SP1: variants seen among roughly 807,000 people sequenced by gnomAD.
The protein encoded by SP1 is transcription factor Sp1.
In SP1, 6 loss-of-function variants were observed where a neutral mutation model predicts 66.3. The observed-to-expected ratio is 0.09, with a 90% CI of 0.05 to 0.18. The LOEUF is 0.18. SP1 is among the 10% of genes least tolerant of loss of function. The pLI, the probability that SP1 is intolerant of heterozygous loss-of-function variation, is 1.00. For missense variants in SP1, 848 were observed against 964.5 expected, an observed-to-expected ratio of 0.88 and a Z score of 1.60; for synonymous variants, 417 against 360.8, an observed-to-expected ratio of 1.16 and a Z score of -1.77.
chr12:53,396,325 T>A (rs1234982206), intron 3 of SP1, among the ~76,000 whole-genome samples: 1 of 148,864 alleles, frequency 6.7e-6, no homozygotes, highest in African/African-American at 2.5e-5. Context: ...ATCCCAGCAC[T>A]TTGGGAGGCC....
chr12:53,383,092 C>A lies in SP1; in HGVS notation c.1145C>A (p.Ala382Glu), dbSNP rs376828448. 6.2e-7 allele frequency: 1 copy of A among 1,614,200 alleles called. No individual in the cohort carries two copies. The highest frequency in any genetic ancestry group is 1.6e-4 in the Middle Eastern group (1 of 6,062). The change falls in exon 3 of 6, where the codon GCA becomes GAA. Residue 382 changes from alanine (A) to glutamate (E), a missense_variant. Ala to Glu is a moderately radical substitution (Grantham distance 107). Coordinates refer to ENST00000327443, the MANE Select transcript of SP1 (RefSeq NM_138473.3). ...QNQTSGGSLQ[A>E]GQQKEGEQNQ... ...CAGACATCTGGAGGCTCATTGCAAG[C>A]AGGCCAGCAAAAAGAAGGAGAGCAA...
intron 3 of SP1, among the ~76,000 whole-genome samples, chr12:53,406,174 A>C (rs1938734563): frequency 6.7e-6 from 1 of 148,710 alleles, no homozygotes; most frequent in Non-Finnish European, 1.5e-5. Context: ...GGGTTCAAGC[A>C]ATTCTCCTGG....
At chr12:53,408,874 C>A (rs1476470694) in intron 4 of SP1, among the ~76,000 whole-genome samples, 1 of 150,698 alleles carries the variant, frequency 6.6e-6, no homozygotes, top group Non-Finnish European at 1.5e-5. Flanking sequence ...CTATTACACT[C>A]CAGCCTGGGC....
chr12:53,401,309 G>A (rs1449013857), intron 3 of SP1, among the ~76,000 whole-genome samples: 2 of 151,622 alleles, frequency 1.3e-5, no homozygotes, highest in Non-Finnish European at 2.9e-5. Context: ...AAATTAGCCG[G>A]GCATGGTGGT....
chr12:53,380,594 G>C (rs1371315046), intron 1 of SP1: 70 of 1,009,726 alleles, frequency 6.9e-5, no homozygotes, highest in Non-Finnish European at 8.3e-5. Flanking sequence ...CCGCCCGCCT[G>C]AGGCTCCTCC....
intron 3 of SP1, among the ~76,000 whole-genome samples, chr12:53,388,705 C>T (rs976681264): frequency 7.2e-5 from 11 of 152,086 alleles, no homozygotes; most frequent in African/African-American, 1.7e-4. Context: ...TTTGGCCAGG[C>T]GTAGTGGCTC....
At chr12:53,395,978 G>A (rs1322930191) in intron 3 of SP1, among the ~76,000 whole-genome samples, 1 of 152,050 alleles carries the variant, frequency 6.6e-6, no homozygotes, top group African/African-American at 2.4e-5. Flanking sequence ...AAATTAGCTG[G>A]GTGTGCTGGC....
chr12:53,380,334 G>A (rs773867617), intron 1 of SP1, 36 bp downstream of exon 1: 10 of 1,512,284 alleles, frequency 6.6e-6, no homozygotes, highest in South Asian at 2.5e-5. Context: ...AGGGGTGGGA[G>A]GCGAGTGAGG....
At chr12:53,387,010 G>A (rs576527946) in intron 3 of SP1, among the ~76,000 whole-genome samples, 1 of 149,884 alleles carries the variant, frequency 6.7e-6, no homozygotes, top group East Asian at 2.0e-4. Flanking sequence ...GAGTGCAGTG[G>A]TGCGATCTTG....
chr12:53,386,914 A>G (rs1257531216), intron 3 of SP1, among the ~76,000 whole-genome samples: 20 of 151,790 alleles, frequency 1.3e-4, no homozygotes, highest in Admixed American at 1.3e-3. Flanking sequence ...AATATCACCA[A>G]ATAATATCAC....
chr12:53,409,836 C>T (rs1041429089), intron 5 of SP1, among the ~76,000 whole-genome samples: 3 of 151,790 alleles, frequency 2.0e-5, no homozygotes, highest in Admixed American at 6.6e-5. Context: ...GGTGAAACCC[C>T]GTCTCTACTA....
chr12:53,381,284 C>G (rs1265248888), intron 1 of SP1: 3 of 160,008 alleles, frequency 1.9e-5, no homozygotes, highest in African/African-American at 7.2e-5. Context: ...TTTTAGCAAG[C>G]TTTCCATGCA....
chr12:53,402,837 A>G (rs1323947626), intron 3 of SP1, among the ~76,000 whole-genome samples: 3 of 151,948 alleles, frequency 2.0e-5, no homozygotes, highest in African/African-American at 7.2e-5. Context: ...GTGGTGGTGC[A>G]TGCCTGTAGC....
At chr12:53,396,366 G>A (rs1047387624) in intron 3 of SP1, among the ~76,000 whole-genome samples, 94 of 151,682 alleles carry the variant, frequency 6.2e-4, no homozygotes, top group African/African-American at 2.3e-3. Context: ...TCAAGAGATG[G>A]AGAGCATCCT....
At position 53,406,665 on chromosome 12, in the gene SP1, G is replaced by A; in HGVS notation, c.1756G>A (p.Glu586Lys). Reference sequence around the variant, plus strand: ...TGACACAGCAGGTGGAGAGGAAGGAGAAAACAGCCCAGATGCCCAACCCCA... The same window carrying A: ...TGACACAGCAGGTGGAGAGGAAGGAAAAAACAGCCCAGATGCCCAACCCCA... The part of the protein sequence containing the change: ...HDDTAGGEEG[E>K]NSPDAQPQAG... The change falls in exon 4 of 6, where the codon GAA becomes AAA. Residue 586 changes from glutamate (E) to lysine (K), a missense_variant. Coordinates refer to ENST00000327443, the MANE Select transcript of SP1 (RefSeq NM_138473.3). 1.2e-6 allele frequency: 2 copies of A among 1,614,092 alleles called. No homozygotes were observed. Among genetic ancestry groups the A allele is most frequent in the Non-Finnish European group, 1.7e-6 (2 of 1,180,014 alleles).
In SP1 at chr12:53,381,783, C is replaced by A; in HGVS notation, c.132C>A (p.Gly44=). ...CACAGGCTCGAAGTAGCAGCACAGG[C>A]AGTAGCAGCAGCACTGGAGGAGGAG... ...AFSQARSSST[G]SSSSTGGGGQ... Residue 44 remains glycine, a synonymous_variant, in exon 2 of 6, where the codon GGC becomes GGA. Coordinates refer to ENST00000327443, the MANE Select transcript of SP1 (RefSeq NM_138473.3). 2 of 1,613,980 alleles carry A rather than the reference C, an allele frequency of 1.2e-6. No individual in the cohort carries two copies. The highest frequency in any genetic ancestry group is 1.7e-6 in the Non-Finnish European group (2 of 1,179,950).
At chr12:53,392,608 C>G (rs1350764119) in intron 3 of SP1, among the ~76,000 whole-genome samples, 1 of 151,758 alleles carries the variant, frequency 6.6e-6, no homozygotes, top group South Asian at 2.1e-4. Context: ...CCGCCCGCCT[C>G]GGCCTCCCAA....
chr12:53,382,258 C>G lies in SP1; in HGVS notation c.311C>G (p.Ala104Gly). ...ACAGCCACACAACTTTCACAGGGTG[C>G]CAATGGCTGGCAGATCATCTCTTCC... ...DLTATQLSQG[A>G]NGWQIISSSS... Residue 104 changes from alanine to glycine, a missense_variant, in exon 3 of 6, where the codon GCC becomes GGC. Physicochemically the swap from Ala to Gly is moderately conservative, Grantham distance 60. This residue lies in a region of SP1 where 606 missense variants were observed against 589.9 expected (regional missense o/e 1.03). Coordinates refer to ENST00000327443, the MANE Select transcript of SP1 (RefSeq NM_138473.3). The G allele has an allele frequency of 1.2e-6, 2 of 1,614,178 alleles. No individual in the cohort carries two copies. The highest frequency in any genetic ancestry group is 1.7e-6 in the Non-Finnish European group (2 of 1,180,032).
intron 3 of SP1, among the ~76,000 whole-genome samples, chr12:53,388,209 A>C (rs1938271850): frequency 6.6e-6 from 1 of 152,172 alleles, no homozygotes; most frequent in Non-Finnish European, 1.5e-5. Context: ...CTTAGATTGA[A>C]GTGCCCGGTT....
Sources: gnomAD v4.1 joint callset for allele counts (sites outside exome capture counted in the v4.1 genomes callset) on GRCh38, gnomAD v4.1.1 for gene constraint, gnomAD v4.1.1 regional missense constraint, MANE v1.5 for transcripts, NCBI Gene and HGNC (gene_info 2026-07-23, HGNC 2026-07-21) for gene names.